CNTN5: variants seen among roughly 807,000 people sequenced by gnomAD.
CNTN5 encodes contactin 5.
A neutral mutation model predicts 129.1 loss-of-function variants in CNTN5; 77 were observed. The ratio of observed to expected loss-of-function variants is 0.60; its 90% CI spans 0.50 to 0.72. The LOEUF is 0.72. CNTN5 is among the 30% of genes least tolerant of loss of function. The pLI is 0.00. For missense variants in CNTN5, 1,478 were observed against 1,328.8 expected (o/e 1.11, Z -1.75); for synonymous variants, 509 against 465.6 (o/e 1.09, Z -1.20).
intron 16 of CNTN5, among the ~76,000 whole-genome samples, chr11:100,236,502 G>C (rs914306023): frequency 6.6e-6 from 1 of 152,152 alleles, no homozygotes; most frequent in African/African-American, 2.4e-5. Flanking sequence ...TTCTTTTCCT[G>C]AGTGACTTTG....
In CNTN5 at chr11:100,299,239, G is replaced by T; in HGVS notation, c.2463G>T (p.Trp821Cys). 1 of 1,610,144 alleles carries T rather than the reference G, an allele frequency of 6.2e-7. No homozygotes were observed. Among genetic ancestry groups the T allele is most frequent in the South Asian group, 1.1e-5 (1 of 90,954 alleles). ...TCAGACCCAATGGAACACGTGGCTG[G>T]AAGGAAAAAATGGTGACATCCTCTG... is the stretch of plus-strand genomic sequence containing the variant. ...VAFRPNGTRG[W>C]KEKMVTSSEA... Residue 821 changes from tryptophan to cysteine, a missense_variant, in exon 20 of 25, where the codon TGG (tryptophan) becomes TGT (cysteine). Trp to Cys is a radical substitution (Grantham distance 215, BLOSUM62 -2). Transcript: ENST00000524871.
intron 12 of CNTN5, among the ~76,000 whole-genome samples, chr11:100,073,871 T>C (rs1944025230): frequency 6.6e-6 from 1 of 152,280 alleles, no homozygotes; most frequent in Non-Finnish European, 1.5e-5. Flanking sequence ...TCTTTCATAA[T>C]TGAAGTTGGT....
At chr11:99,745,570 T>C (rs1269903549) in intron 3 of CNTN5, among the ~76,000 whole-genome samples, 2 of 152,180 alleles carry the variant, frequency 1.3e-5, no homozygotes, top group Non-Finnish European at 2.9e-5. Flanking sequence ...CACCTTTCTC[T>C]GTTAAAAGGA....
At chr11:100,090,139 A>G (rs1944701240) in intron 13 of CNTN5, among the ~76,000 whole-genome samples, 1 of 152,176 alleles carries the variant, frequency 6.6e-6, no homozygotes, top group African/African-American at 2.4e-5. Context: ...AAAACTTTCA[A>G]TAAAATCCAA....
chr11:99,577,635 T>A (rs112785927), intron 3 of CNTN5, among the ~76,000 whole-genome samples: 3 of 152,218 alleles, frequency 2.0e-5, no homozygotes, highest in African/African-American at 7.2e-5. Flanking sequence ...AATTTATTTC[T>A]AGAGTAATAA....
intron 13 of CNTN5, among the ~76,000 whole-genome samples, chr11:100,079,510 A>G (rs539917170): frequency 3.9e-5 from 6 of 152,120 alleles, no homozygotes; most frequent in South Asian, 2.1e-4. Context: ...TTCTAGCTCA[A>G]TGTCTTTGGA....
At chr11:100,284,081 C>T (rs929334317) in intron 18 of CNTN5, among the ~76,000 whole-genome samples, 2 of 152,280 alleles carry the variant, frequency 1.3e-5, no homozygotes, top group Non-Finnish European at 1.5e-5. Context: ...TTGCACTCTC[C>T]CTCTCCCAAG....
chr11:99,956,989 C>A lies in CNTN5; in HGVS notation c.857C>A (p.Pro286Gln). The A allele has an allele frequency of 6.2e-7, 1 of 1,613,672 alleles. No homozygotes were observed. The highest frequency in any genetic ancestry group is 8.5e-7 in the Non-Finnish European group (1 of 1,179,746). Residue 286 changes from proline to glutamine, a missense_variant, in exon 8 of 25, where the codon CCA (proline) becomes CAA (glutamine). Pro to Gln is a moderately conservative substitution (Grantham distance 76, BLOSUM62 -1). Coordinates refer to ENST00000524871, the MANE Select transcript of CNTN5 (RefSeq NM_014361.4). ...TNARVLSPPT[P>Q]LTLRNDGVMG... ...GCTAGAGTCCTTAGTCCTCCAACGC[C>A]ACTCACTCTGCGTAATGATGGTAAG...
At chr11:99,359,077 A>C (rs1429436191) in intron 2 of CNTN5, among the ~76,000 whole-genome samples, 2 of 152,176 alleles carry the variant, frequency 1.3e-5, no homozygotes, top group African/African-American at 2.4e-5. Flanking sequence ...CCTAAAATGC[A>C]GTTGTAAAGT....
chr11:100,286,277 C>T (rs1332226035), intron 18 of CNTN5, among the ~76,000 whole-genome samples: 1 of 152,192 alleles, frequency 6.6e-6, no homozygotes, highest in Non-Finnish European at 1.5e-5. Context: ...GCCAGCCTGC[C>T]TCTGTAGGCT....
At chr11:99,475,246 G>A (rs1056493687) in intron 2 of CNTN5, among the ~76,000 whole-genome samples, 1 of 152,124 alleles carries the variant, frequency 6.6e-6, no homozygotes, top group Admixed American at 6.6e-5. Context: ...GCACAATTTC[G>A]TCTCCATGTC....
At position 99,392,522 on chromosome 11, in the gene CNTN5, C is replaced by T. The variant is rs1941316986; in HGVS notation, c.-71+67038C>T. Among the ~76,000 whole-genome samples, 3 of 151,884 alleles carry T rather than the reference C, an allele frequency of 2.0e-5. No homozygotes were observed. In the South Asian group the frequency reaches 6.2e-4, roughly 31 times the overall value. Reference sequence around the variant, plus strand: ...CATCCAGCCCATCTGATGATATTGACTTTCACTACCATCTGCATTGCCAGT... The same window carrying T: ...CATCCAGCCCATCTGATGATATTGATTTTCACTACCATCTGCATTGCCAGT... On this transcript the variant is annotated intron_variant, in intron 2 of 24. Coordinates refer to ENST00000524871, the MANE Select transcript of CNTN5 (RefSeq NM_014361.4).
intron 3 of CNTN5, among the ~76,000 whole-genome samples, chr11:99,594,866 T>C (rs1049538868): frequency 2.0e-5 from 3 of 152,226 alleles, no homozygotes; most frequent in African/African-American, 7.2e-5. Context: ...TGATTTTTGA[T>C]AGGACACATA....
chr11:99,168,895 A>T (rs896044220), intron 1 of CNTN5, among the ~76,000 whole-genome samples: 9 of 152,362 alleles, frequency 5.9e-5, no homozygotes, highest in African/African-American at 2.2e-4. Flanking sequence ...TCTGACTTTG[A>T]TTTGAACATT....
intron 6 of CNTN5, among the ~76,000 whole-genome samples, chr11:99,899,117 A>G (rs191989958): frequency 6.6e-6 from 1 of 152,104 alleles, no homozygotes; most frequent in Non-Finnish European, 1.5e-5. Context: ...AGGTCTAGGA[A>G]TCTTCTAGAA....
At position 100,257,972 on chromosome 11, in the gene CNTN5, G is replaced by T. The variant is rs936649904; in HGVS notation, c.2164+2054G>T. Among the ~76,000 whole-genome samples, 4 of 152,176 alleles carry T rather than the reference G, an allele frequency of 2.6e-5. No homozygotes were observed. The East Asian group carries it at 7.7e-4, about 29-fold the overall frequency. ...AATTGACAGAAGCAGGCATCAGAAG[G>T]TGGGTAATAACTCCTCCAAGCTAAA... On this transcript the variant is annotated intron_variant, in intron 17 of 24. Coordinates refer to ENST00000524871, the MANE Select transcript of CNTN5 (RefSeq NM_014361.4).
chr11:99,446,467 T>A (rs1355645856), intron 2 of CNTN5, among the ~76,000 whole-genome samples: 1 of 152,186 alleles, frequency 6.6e-6, no homozygotes, highest in African/African-American at 2.4e-5. Context: ...TATTATGACT[T>A]TTACCTGCAA....
chr11:99,789,208 A>G (rs1431767411), intron 3 of CNTN5, among the ~76,000 whole-genome samples: 6 of 151,972 alleles, frequency 3.9e-5, no homozygotes, highest in African/African-American at 7.2e-5. Flanking sequence ...ATTATGAAAC[A>G]ATTTGTAGAC....
chr11:100,244,888 A>T (rs1949812419), intron 16 of CNTN5, among the ~76,000 whole-genome samples: 1 of 152,166 alleles, frequency 6.6e-6, no homozygotes. Context: ...TTTATCTGGA[A>T]TAATTAGATA....
Sources: allele counts gnomAD v4.1 joint callset (sites outside exome capture counted in the v4.1 genomes callset), GRCh38; gene constraint gnomAD v4.1.1; transcripts MANE v1.5; gene names NCBI Gene and HGNC (gene_info 2026-07-23, HGNC 2026-07-21).